The following AK6 variants were observed in gnomAD, a reference collection of about 807,000 sequenced individuals.
AK6 encodes adenylate kinase isoenzyme 6.
In AK6, 24 loss-of-function variants were observed where a neutral mutation model predicts 23.7. The ratio of observed to expected loss-of-function variants is 1.01; its 90% CI spans 0.73 to 1.43. AK6 has a LOEUF of 1.43. AK6 is among the 40% of genes most tolerant of loss of function. The pLI, the probability that AK6 is intolerant of heterozygous loss-of-function variation, is 0.00. For synonymous variants in AK6, 73 were observed against 69.8 expected (o/e 1.05, Z -0.23); for missense variants, 191 against 199.1 (o/e 0.96, Z 0.24).
In AK6 at chr5:69,369,480, G is replaced by T; in HGVS notation, c.11C>A (p.Pro4Gln). 1 of 1,611,236 alleles carries T rather than the reference G, an allele frequency of 6.2e-7. No individual in the cohort carries two copies. Among genetic ancestry groups the T allele is most frequent in the Non-Finnish European group, 8.5e-7 (1 of 1,179,308 alleles). The part of the protein sequence containing the change: MLL[P>Q]NILLTGTPGV... ...GCCCTGACCGGTGAGCAGGATGTTC[G>T]GAAGCAACATGGTCCCCGCCGCGAC... The change falls in exon 1 of 5, where the codon CCG becomes CAG. Residue 4 changes from proline (P) to glutamine (Q), a missense_variant. Transcript: ENST00000380822.
intron 2 of AK6, among the ~76,000 whole-genome samples, chr5:69,362,766 C>A (rs1244897197): frequency 2.0e-5 from 3 of 151,536 alleles, no homozygotes; most frequent in South Asian, 2.1e-4. Flanking sequence ...AACAAAAAAA[C>A]CCCACAAAGT....
chr5:69,367,027 G>A (rs1762459835), intron 1 of AK6, among the ~76,000 whole-genome samples: 1 of 151,962 alleles, frequency 6.6e-6, no homozygotes. Context: ...CTAAAGTGCT[G>A]GGATTACAGG....
At chr5:69,369,677 T>C (rs1346669209), upstream of AK6, 19 of 1,555,778 alleles carry the variant, frequency 1.2e-5, no homozygotes, top group Non-Finnish European at 1.7e-5. Flanking sequence ...ATGACACATT[T>C]CCGTCGCAAA....
chr5:69,364,917 T>C, intron 2 of AK6: 1 of 1,581,884 alleles, frequency 6.3e-7, no homozygotes, highest in Non-Finnish European at 8.6e-7. Context: ...AGACCAAGTA[T>C]ACATGTTACA....
intron 2 of AK6, chr5:69,365,148 G>C: frequency 6.2e-7 from 1 of 1,614,212 alleles, no homozygotes. Context: ...TTTTACAGCT[G>C]GAGACTGAGA....
At chr5:69,362,462 G>T (rs776142206) in intron 2 of AK6, among the ~76,000 whole-genome samples, 5 of 152,140 alleles carry the variant, frequency 3.3e-5, no homozygotes, top group Non-Finnish European at 7.3e-5. Flanking sequence ...ACAGGATCTG[G>T]GTTAAAAAAT....
Position 69,362,745 on chromosome 5 carries a change from T to TCAAA in AK6, c.121+3754_121+3757dup, listed in dbSNP as rs777008855. On this transcript the variant is annotated intron_variant, in intron 2 of 4. Transcript: ENST00000380822. ...CTGGGCCACAGAGCAAGACCCTGTCTCAAACAAACAAACAAAAAAACCCCA... is the reference window on the plus strand; with the variant it reads ...CTGGGCCACAGAGCAAGACCCTGTCTCAAACAAACAAACAAACAAAAAAACCCCA... 1.1e-4 allele frequency among the ~76,000 whole-genome samples: 17 copies of TCAAA among 151,968 alleles called. No individual in the cohort carries two copies. The South Asian group carries it at 1.7e-3, about 15-fold the overall frequency.
intron 2 of AK6, among the ~76,000 whole-genome samples, chr5:69,361,730 G>A (rs1266741627): frequency 2.0e-5 from 3 of 151,482 alleles, no homozygotes; most frequent in Admixed American, 6.6e-5. Context: ...TCAGCCTCCC[G>A]AGTAGCTGGG....
intron 2 of AK6, among the ~76,000 whole-genome samples, chr5:69,366,235 T>A (rs1236951330): frequency 6.6e-6 from 1 of 152,194 alleles, no homozygotes; most frequent in Non-Finnish European, 1.5e-5. Flanking sequence ...ATTCACATTC[T>A]ACCTATCCGA....
chr5:69,363,474 T>C (rs1762296129), intron 2 of AK6, among the ~76,000 whole-genome samples: 1 of 152,230 alleles, frequency 6.6e-6, no homozygotes, highest in African/African-American at 2.4e-5. Context: ...CAAAACCACA[T>C]TTCATATAGA....
In AK6 at chr5:69,354,289, CA is replaced by C. The variant is rs1455248131; in HGVS notation, c.326+1359del. On this transcript the variant is annotated intron_variant, in intron 4 of 4. Transcript: ENST00000380822. ...TATAGTCTCTATTACTTCTCTGCCC[CA>C]AAACTTTTAATGGCTTTTCACTGCC... Among the ~76,000 whole-genome samples the C allele has an allele frequency of 2.0e-5, 3 of 152,016 alleles. No homozygotes were observed. In the East Asian group the frequency reaches 5.8e-4, roughly 29 times the overall value.
chr5:69,366,165 C>T (rs1762414575), intron 2 of AK6, among the ~76,000 whole-genome samples: 1 of 152,200 alleles, frequency 6.6e-6, no homozygotes, highest in African/African-American at 2.4e-5. Flanking sequence ...ACTCACTGTG[C>T]TCATATATAT....
chr5:69,367,342 C>A (rs944748944), intron 1 of AK6, among the ~76,000 whole-genome samples: 1 of 151,594 alleles, frequency 6.6e-6, no homozygotes, highest in Non-Finnish European at 1.5e-5. Flanking sequence ...GAAACTACAT[C>A]TCTATTAAAA....
Position 69,369,325 on chromosome 5 carries a change from G to A in AK6, c.28+138C>T, listed in dbSNP as rs1580334993. ...ACGCCCGCGAGGGTCGGCTCCCGGG[G>A]CGCTGACAACCGCCTCGTGGCCCTC... On this transcript the variant is annotated intron_variant, in intron 1 of 4. Transcript: ENST00000380822. The A allele has an allele frequency of 4.9e-6, 4 of 823,652 alleles. No homozygotes were observed. The East Asian group carries it at 1.2e-4, about 25-fold the overall frequency. 51.0% of individuals were successfully genotyped at this position (823,652 alleles called of 1,614,324 possible). A position where few individuals can be genotyped will look rare whatever the true frequency, so the allele number is the denominator to read the frequency against.
chr5:69,354,887 G>A (rs1341970542), intron 4 of AK6, among the ~76,000 whole-genome samples: 1 of 152,144 alleles, frequency 6.6e-6, no homozygotes, highest in Non-Finnish European at 1.5e-5. Flanking sequence ...GTGCAGTGGT[G>A]TGATCTCAGC....
intron 2 of AK6, among the ~76,000 whole-genome samples, chr5:69,364,139 A>G (rs1261199457): frequency 6.6e-6 from 1 of 151,934 alleles, no homozygotes; most frequent in African/African-American, 2.4e-5. Context: ...GATAGCAAAT[A>G]AAAATCTAGG....
At chr5:69,363,709 G>A (rs1178588059) in intron 2 of AK6, among the ~76,000 whole-genome samples, 1 of 151,976 alleles carries the variant, frequency 6.6e-6, no homozygotes, top group Non-Finnish European at 1.5e-5. Context: ...GCGTGAACCT[G>A]GGAGGCAGAG....
At chr5:69,369,065 T>C (rs1164176894) in intron 1 of AK6, 6 of 269,714 alleles carry the variant, frequency 2.2e-5, no homozygotes, top group Non-Finnish European at 1.4e-5. Context: ...CCACCATTAA[T>C]GACTCTACCG....
In AK6 at chr5:69,352,018, G is replaced by A. The variant is rs1761960478; in HGVS notation, c.*43C>T. On this transcript the variant is annotated 3_prime_UTR_variant, in exon 5 of 5. Transcript: ENST00000380822. ...TTGAACAATTTCTATGATGTCGGCA[G>A]AGATATCAACAAGAGTGATTATTAA... 1 of 1,505,932 alleles carries A rather than the reference G, an allele frequency of 6.6e-7. No individual in the cohort carries two copies. Among genetic ancestry groups the A allele is most frequent in the Non-Finnish European group, 9.0e-7 (1 of 1,114,602 alleles). The allele number at this position is 1,505,932 out of a possible 1,614,324, so 93.3% of individuals were successfully genotyped here.
Sources: allele counts gnomAD v4.1 joint callset (sites outside exome capture counted in the v4.1 genomes callset), GRCh38; gene constraint gnomAD v4.1.1; transcripts MANE v1.5; gene names NCBI Gene and HGNC (gene_info 2026-07-23, HGNC 2026-07-21).